Variants in SARDH observed in about 807,000 individuals in gnomAD.
The protein encoded by SARDH is sarcosine dehydrogenase, mitochondrial.
In SARDH, 95 loss-of-function variants were observed where a neutral mutation model predicts 109.1. That is an observed-to-expected ratio of 0.87 (90% CI 0.74 to 1.03). The LOEUF (loss-of-function observed/expected upper bound fraction) is 1.03, where lower values mean the gene tolerates loss of function less well. Among genes scored for constraint, SARDH ranks in the 50% least tolerant of loss-of-function variants. The pLI is 0.00. For synonymous variants in SARDH, 572 were observed against 534.8 expected (o/e 1.07, Z -0.96); for missense variants, 1,267 against 1,287.8 (o/e 0.98, Z 0.25).
intron 17 of SARDH, among the ~76,000 whole-genome samples, chr9:133,673,637 A>T (rs1830424130): frequency 1.3e-5 from 2 of 152,182 alleles, no homozygotes; most frequent in Non-Finnish European, 2.9e-5. Context: ...AAAAACTCAA[A>T]ATTGACACAG....
chr9:133,705,531 C>T (rs985451432), intron 11 of SARDH, among the ~76,000 whole-genome samples: 2 of 125,736 alleles, frequency 1.6e-5, no homozygotes, highest in African/African-American at 5.8e-5. Context: ...AGACTTACCG[C>T]CTGCCCCATC....
At chr9:133,678,634 G>A (rs1830595737) in intron 17 of SARDH, among the ~76,000 whole-genome samples, 1 of 152,154 alleles carries the variant, frequency 6.6e-6, no homozygotes, top group Admixed American at 6.5e-5. Flanking sequence ...ACTGCACGGA[G>A]AGGCCAAGGG....
At chr9:133,722,650 T>A (rs1238672507) in intron 6 of SARDH, among the ~76,000 whole-genome samples, 4 of 45,798 alleles carry the variant, frequency 8.7e-5, no homozygotes, top group East Asian at 1.2e-3. Context: ...GCGCTCTCTC[T>A]CTCTCTCTCT....
intron 8 of SARDH, among the ~76,000 whole-genome samples, chr9:133,714,330 T>C (rs1832041379): frequency 1.3e-5 from 2 of 151,642 alleles, no homozygotes; most frequent in Admixed American, 6.6e-5. Context: ...GGGCAGAAGG[T>C]GGCAGGGCCA....
chr9:133,670,309 A>G (rs1288788845), intron 19 of SARDH, among the ~76,000 whole-genome samples: 1 of 149,184 alleles, frequency 6.7e-6, no homozygotes, highest in Non-Finnish European at 1.5e-5. Flanking sequence ...GGCCTGGGCA[A>G]TAGAGTGAGA....
In SARDH at chr9:133,699,920, C is replaced by T. The variant is rs1831422244; in HGVS notation, c.1668+2996G>A. 2.6e-5 allele frequency among the ~76,000 whole-genome samples: 4 copies of T among 152,220 alleles called. No homozygotes were observed. In the South Asian group the frequency reaches 8.3e-4, roughly 32 times the overall value. ...ACGACACCTGGTACGTGGATGTTCA[C>T]AGCAGCACTGCTCATAAGAACTCAA... On this transcript the variant is annotated intron_variant, in intron 13 of 20. Transcript: ENST00000439388.
intron 19 of SARDH, among the ~76,000 whole-genome samples, chr9:133,669,329 CCCTCGT>C (rs1564229721): frequency 1.1e-5 from 1 of 92,014 alleles, no homozygotes; most frequent in Non-Finnish European, 2.2e-5. Context: ...CCCTCCCTCT[CCCTCGT>C]CCTCCCTCTC....
chr9:133,661,349 ACAAC>A (rs762644158), downstream of SARDH, among the ~76,000 whole-genome samples: 3 of 143,622 alleles, frequency 2.1e-5, no homozygotes, highest in East Asian at 3.9e-4. Context: ...CAAAAAAAAA[ACAAC>A]AACAACAAAA....
chr9:133,714,492 G>A (rs1160113843), intron 8 of SARDH, among the ~76,000 whole-genome samples: 1 of 152,206 alleles, frequency 6.6e-6, no homozygotes, highest in Non-Finnish European at 1.5e-5. Context: ...GAAAGAGTGA[G>A]CTGAGGCCGG....
rs541574479 is a variant in SARDH at position 133,663,925 on chromosome 9, G to A, written c.2721C>T (p.Phe907=). 1.8e-5 allele frequency: 29 copies of A among 1,614,194 alleles called. No individual in the cohort carries two copies. Among genetic ancestry groups the A allele is most frequent in the African/African-American group, 9.3e-5 (7 of 75,056 alleles). The change falls in exon 21 of 21, where the codon TTC becomes TTT. Residue 907 remains phenylalanine, a synonymous_variant. Coordinates refer to ENST00000439388, the MANE Select transcript of SARDH (RefSeq NM_001134707.2). ...CCTTCACCCTCTTGTTGTTGGGGTC[G>A]AAGGGCGACTTCAGGTGAGCCTGGG... is the stretch of plus-strand genomic sequence containing the variant. ...YGAQAHLKSP[F]DPNNKRVKGI... is the part of the protein sequence containing the mutation.
At chr9:133,702,855 A>G in intron 13 of SARDH, 61 bp downstream of exon 13, 1 of 1,508,068 alleles carries the variant, frequency 6.6e-7, no homozygotes, top group Non-Finnish European at 9.1e-7. Context: ...GGGCCGGCGC[A>G]ATGGCTTATC....
At chr9:133,691,762 C>T (rs563196515) in intron 15 of SARDH, among the ~76,000 whole-genome samples, 108 of 152,278 alleles carry the variant, frequency 7.1e-4, no homozygotes, top group Middle Eastern at 3.4e-3. Context: ...ATATTTAATG[C>T]CCATGCATAT....
At chr9:133,669,936 C>G (rs1327754002) in intron 19 of SARDH, among the ~76,000 whole-genome samples, 1 of 152,204 alleles carries the variant, frequency 6.6e-6, no homozygotes, top group Non-Finnish European at 1.5e-5. Flanking sequence ...GCACCTTTCT[C>G]TTTTGAGACC....
intron 6 of SARDH, among the ~76,000 whole-genome samples, chr9:133,726,948 T>C (rs564649978): frequency 6.6e-6 from 1 of 152,214 alleles, no homozygotes. Flanking sequence ...TAGGGATGGT[T>C]ATGACCCATT....
At chr9:133,725,356 C>T (rs1051638040) in intron 6 of SARDH, 1 of 235,826 alleles carries the variant, frequency 4.2e-6, no homozygotes, top group African/African-American at 2.3e-5. Flanking sequence ...AAGTTGGACA[C>T]TACTTGCTCA....
rs1044014790 is a variant in SARDH at position 133,694,252 on chromosome 9, C to G, written c.1921+6G>C. ...ACAGCGCCGTGTGCACAGAGGCATC[C>G]CATACCTTCAAAGGCGGGGGCCAGC... is the stretch of plus-strand genomic sequence containing the variant. On this transcript the variant is annotated splice_donor_region_variant and intron_variant, in intron 15 of 20. Transcript: ENST00000439388. 1 of 1,542,330 alleles carries G rather than the reference C, an allele frequency of 6.5e-7. No homozygotes were observed. Among genetic ancestry groups the G allele is most frequent in the Non-Finnish European group, 8.8e-7 (1 of 1,139,886 alleles).
chr9:133,671,623 A>T lies in SARDH; in HGVS notation c.2238T>A (p.Pro746=). The change falls in exon 18 of 21, where the codon CCT becomes CCA. Residue 746 remains proline, a synonymous_variant. Transcript: ENST00000439388. The part of the protein sequence containing the change: ...ELHIPKASCV[P]VYRAVMAAGA... ...CCGCGGCCATCACAGCCCGGTACAC[A>T]GGCACGCAGGACGCCTTTGGAATGT... 6.2e-7 allele frequency: 1 copy of T among 1,601,402 alleles called. No homozygotes were observed. Among genetic ancestry groups the T allele is most frequent in the South Asian group, 1.1e-5 (1 of 88,996 alleles).
chr9:133,710,619 T>C (rs1171088467), intron 10 of SARDH, among the ~76,000 whole-genome samples: 1 of 152,280 alleles, frequency 6.6e-6, no homozygotes, highest in Non-Finnish European at 1.5e-5. Context: ...CTCTGTTCAC[T>C]TTCTTTTCTG....
At chr9:133,710,408 G>A (rs1219122943) in intron 10 of SARDH, among the ~76,000 whole-genome samples, 3 of 152,248 alleles carry the variant, frequency 2.0e-5, no homozygotes, top group Admixed American at 2.0e-4. Context: ...TCAGCCCTGG[G>A]ACCCTCACGC....
Sources: allele counts gnomAD v4.1 joint callset (sites outside exome capture counted in the v4.1 genomes callset), GRCh38; gene constraint gnomAD v4.1.1; transcripts MANE v1.5; gene names NCBI Gene and HGNC (gene_info 2026-07-23, HGNC 2026-07-21).